Variants in PREX2 observed in about 807,000 individuals in gnomAD.
The protein encoded by PREX2 is phosphatidylinositol 3,4,5-trisphosphate-dependent Rac exchanger 2 protein.
In PREX2, 107 loss-of-function variants were observed where a neutral mutation model predicts 203.2. The observed-to-expected ratio is 0.53, with a 90% CI of 0.45 to 0.62. The LOEUF is 0.62. PREX2 is among the 20% of genes least tolerant of loss of function. The pLI is 0.00. For missense variants in PREX2, 1,777 were observed against 1,955.9 expected (o/e 0.91, Z 1.72); for synonymous variants, 672 against 663.6 (o/e 1.01, Z -0.19).
intron 35 of PREX2, among the ~76,000 whole-genome samples, chr8:68,186,403 T>C (rs944055843): frequency 5.9e-5 from 9 of 152,234 alleles, no homozygotes; most frequent in Non-Finnish European, 2.9e-5. Flanking sequence ...AAATTTTCAG[T>C]AAACGTTTGT....
rs563277299 is a variant in PREX2, at chr8:68,134,112, A to G, written c.3820A>G (p.Thr1274Ala). The G allele has an allele frequency of 3.7e-6, 6 of 1,614,174 alleles. No homozygotes were observed. The South Asian group carries it at 4.4e-5, about 12-fold the overall frequency. The change falls in exon 32 of 40, where the codon ACT becomes GCT. Residue 1274 changes from threonine to alanine, a missense_variant. Coordinates refer to ENST00000288368, the MANE Select transcript of PREX2 (RefSeq NM_024870.4). ...DMVFCQTLVA[T>A]VCAFSEQLMA... ...GGTTTTCTGCCAGACTCTTGTGGCC[A>G]CTGTCTGTGCCTTCTCTGAGCAGCT...
intron 31 of PREX2, among the ~76,000 whole-genome samples, chr8:68,132,688 T>A (rs976263288): frequency 2.0e-5 from 3 of 152,194 alleles, no homozygotes; most frequent in African/African-American, 7.2e-5. Flanking sequence ...AGTCAGCATT[T>A]ATCTCTGTGT....
chr8:68,034,157 T>A (rs1807965537), intron 6 of PREX2, among the ~76,000 whole-genome samples: 1 of 152,180 alleles, frequency 6.6e-6, no homozygotes, highest in East Asian at 1.9e-4. Flanking sequence ...ATAGTGTATG[T>A]TTTATTTGTT....
intron 17 of PREX2, 151 bp downstream of exon 17, chr8:68,080,989 C>T: frequency 1.6e-6 from 1 of 628,850 alleles, no homozygotes; most frequent in Non-Finnish European, 2.8e-6. Context: ...CTCACAGGTT[C>T]TACTGAATAC....
At chr8:68,203,083 C>G (rs1441308965) in intron 37 of PREX2, among the ~76,000 whole-genome samples, 1 of 152,192 alleles carries the variant, frequency 6.6e-6, no homozygotes, top group Admixed American at 6.5e-5. Flanking sequence ...CAGAAACACC[C>G]TCACAGACAC....
chr8:67,967,527 G>A (rs1224784902), intron 1 of PREX2, among the ~76,000 whole-genome samples: 1 of 152,182 alleles, frequency 6.6e-6, no homozygotes, highest in African/African-American at 2.4e-5. Context: ...ATCATGGATG[G>A]GAACCCAGCA....
intron 35 of PREX2, among the ~76,000 whole-genome samples, chr8:68,169,422 T>C (rs895231869): frequency 6.6e-6 from 1 of 151,936 alleles, no homozygotes; most frequent in African/African-American, 2.4e-5. Context: ...AACTCCATAA[T>C]TGGAGATGGA....
At chr8:68,128,069 G>A (rs1012501892) in intron 31 of PREX2, among the ~76,000 whole-genome samples, 2 of 152,086 alleles carry the variant, frequency 1.3e-5, no homozygotes, top group East Asian at 3.9e-4. Flanking sequence ...TTTCAACAAG[G>A]TTTTCATTCA....
chr8:68,007,438 T>G (rs942431364), intron 1 of PREX2, among the ~76,000 whole-genome samples: 1 of 152,254 alleles, frequency 6.6e-6, no homozygotes, highest in Non-Finnish European at 1.5e-5. Flanking sequence ...GTCATTGATA[T>G]AGCTTGCTAT....
chr8:68,047,955 C>G (rs1808419676), intron 8 of PREX2, among the ~76,000 whole-genome samples: 1 of 151,708 alleles, frequency 6.6e-6, no homozygotes, highest in South Asian at 2.1e-4. Flanking sequence ...TACTTAATGA[C>G]TTGGTTTATA....
intron 8 of PREX2, 73 bp downstream of exon 8, chr8:68,044,663 C>T: frequency 1.9e-6 from 2 of 1,055,140 alleles, no homozygotes; most frequent in Non-Finnish European, 2.9e-6. Flanking sequence ...AGATTTCTCA[C>T]TTGGATAATT....
intron 35 of PREX2, among the ~76,000 whole-genome samples, chr8:68,160,224 G>C (rs1347016093): frequency 2.6e-5 from 4 of 151,974 alleles, no homozygotes; most frequent in Admixed American, 6.6e-5. Context: ...TTCCATCCTT[G>C]CATGAACTTC....
At position 67,952,357 on chromosome 8, in the gene PREX2, C is replaced by G; in HGVS notation, c.-38C>G. 3 of 1,484,880 alleles carry G rather than the reference C, an allele frequency of 2.0e-6. No individual in the cohort carries two copies. Among genetic ancestry groups the G allele is most frequent in the Non-Finnish European group, 2.7e-6 (3 of 1,120,424 alleles). The allele number at this position is 1,484,880 out of a possible 1,614,324, so 92.0% of individuals were successfully genotyped here. On this transcript the variant is annotated 5_prime_UTR_variant, in exon 1 of 40. Transcript: ENST00000288368. ...AGCGGGCGCGCGGGTCAGCGCTCAG[C>G]ACGGCGGGCAGCGCCGCGCTGCGCA...
chr8:68,160,141 A>T (rs1811626597), intron 35 of PREX2, among the ~76,000 whole-genome samples: 1 of 152,118 alleles, frequency 6.6e-6, no homozygotes, highest in South Asian at 2.1e-4. Context: ...CTTCAGTTAG[A>T]ATCCTGGAAG....
At chr8:67,997,152 T>A in intron 1 of PREX2, among the ~76,000 whole-genome samples, 1 of 152,222 alleles carries the variant, frequency 6.6e-6, no homozygotes, top group Non-Finnish European at 1.5e-5. Context: ...TTTTTGCCAT[T>A]ACTTTTGATG....
intron 1 of PREX2, among the ~76,000 whole-genome samples, chr8:67,971,998 A>G (rs1013203948): frequency 2.6e-5 from 4 of 152,262 alleles, no homozygotes; most frequent in Admixed American, 2.0e-4. Flanking sequence ...TTATTTTCTA[A>G]GTGCCAATTT....
intron 37 of PREX2, among the ~76,000 whole-genome samples, chr8:68,201,697 A>C (rs934782919): frequency 1.3e-5 from 2 of 152,074 alleles, no homozygotes; most frequent in Non-Finnish European, 2.9e-5. Flanking sequence ...ACACCCTCAC[A>C]AACACACCCA....
intron 35 of PREX2, among the ~76,000 whole-genome samples, chr8:68,173,864 T>C (rs147371018): frequency 6.6e-6 from 1 of 152,296 alleles, no homozygotes; most frequent in African/African-American, 2.4e-5. Context: ...GTATTTGTGC[T>C]CTGAATTTCC....
intron 11 of PREX2, among the ~76,000 whole-genome samples, chr8:68,062,925 A>T (rs1808901232): frequency 6.6e-6 from 1 of 152,218 alleles, no homozygotes; most frequent in Non-Finnish European, 1.5e-5. Flanking sequence ...AATGCCTGGC[A>T]TTCCCATCCC....
Sources: gnomAD v4.1 joint callset for allele counts (sites outside exome capture counted in the v4.1 genomes callset) on GRCh38, gnomAD v4.1.1 for gene constraint, MANE v1.5 for transcripts, NCBI Gene and HGNC (gene_info 2026-07-23, HGNC 2026-07-21) for gene names.